Variants in RPL34 observed in about 807,000 individuals in gnomAD.
RPL34 encodes large ribosomal subunit protein eL34.
A neutral mutation model predicts 16.3 loss-of-function variants in RPL34; 2 were observed. That is an observed-to-expected ratio of 0.12 (90% CI 0.05 to 0.39). The LOEUF (loss-of-function observed/expected upper bound fraction) is 0.39, where lower values mean the gene tolerates loss of function less well. RPL34 is among the 10% of genes least tolerant of loss of function. The probability of loss-of-function intolerance (pLI) is 0.99; values close to 1 mark genes in which losing one functional copy is unlikely to be tolerated. For synonymous variants in RPL34, 47 were observed against 48.5 expected (o/e 0.97, Z 0.13); for missense variants, 82 against 148.8 (o/e 0.55, Z 2.33).
At chr4:108,623,409 T>A (rs1240250909) in intron 4 of RPL34, 1 of 152,162 alleles carries the variant, frequency 6.6e-6, no homozygotes. Context: ...CTTAATTCTT[T>A]TATTGATTGA....
At chr4:108,623,729 CT>C (rs1378290254) in intron 4 of RPL34, among the ~76,000 whole-genome samples, 1 of 152,096 alleles carries the variant, frequency 6.6e-6, no homozygotes, top group Non-Finnish European at 1.5e-5. Context: ...TAAACCAAAC[CT>C]TTTGACACCA....
At chr4:108,626,371 C>CTG (rs1725999989), downstream of RPL34, among the ~76,000 whole-genome samples, 1 of 151,732 alleles carries the variant, frequency 6.6e-6, no homozygotes, top group Admixed American at 6.6e-5. Flanking sequence ...CTCAAGCAGT[C>CTG]TGCCTGCCTC....
downstream of RPL34, among the ~76,000 whole-genome samples, chr4:108,629,502 C>T (rs934427134): frequency 3.9e-5 from 6 of 152,118 alleles, no homozygotes; most frequent in East Asian, 3.9e-4. Flanking sequence ...AACATAGTAA[C>T]GACTCTGTCC....
Position 108,625,227 on chromosome 4 carries a change from T to C in RPL34, c.*15T>C, listed in dbSNP as rs771965674. ...AAGCTAAATAAAAAAATGAAACTTT[T>C]TTGAGTAATAAAAATGAAAAGACGC... On this transcript the variant is annotated 3_prime_UTR_variant, in exon 5 of 5. Transcript: ENST00000394667. The C allele has an allele frequency of 7.2e-6, 11 of 1,537,490 alleles. No individual in the cohort carries two copies. Among genetic ancestry groups the C allele is most frequent in the Non-Finnish European group, 8.9e-6 (10 of 1,117,634 alleles).
At chr4:108,626,925 A>G (rs2110368054), downstream of RPL34, among the ~76,000 whole-genome samples, 1 of 152,292 alleles carries the variant, frequency 6.6e-6, no homozygotes, top group East Asian at 1.9e-4. Context: ...GAGGAGAGTT[A>G]CCGCTTAGCT....
At chr4:108,623,326 C>T (rs1258711172) in intron 4 of RPL34, 1 of 151,324 alleles carries the variant, frequency 6.6e-6, no homozygotes, top group African/African-American at 2.4e-5. Context: ...GAGCGAAACT[C>T]TGTCTCAAAA....
At chr4:108,622,324 A>G (rs183572394) in intron 3 of RPL34, 120 bp downstream of exon 3, 25 of 862,466 alleles carry the variant, frequency 2.9e-5, no homozygotes, top group Middle Eastern at 4.4e-4. Flanking sequence ...ATTACTAAAC[A>G]TTCATGAGCC....
intron 1 of RPL34, chr4:108,621,287 A>G (rs924071733): frequency 6.6e-6 from 1 of 152,560 alleles, no homozygotes; most frequent in South Asian, 2.1e-4. Context: ...GCTCGTATGC[A>G]TATCTGTATA....
intron 4 of RPL34, among the ~76,000 whole-genome samples, chr4:108,623,889 A>G (rs1287895453): frequency 6.6e-6 from 1 of 152,236 alleles, no homozygotes; most frequent in East Asian, 1.9e-4. Context: ...ATTACTTGCA[A>G]ATAACTAGGA....
At chr4:108,622,350 A>T in intron 3 of RPL34, 146 bp downstream of exon 3, 1 of 815,620 alleles carries the variant, frequency 1.2e-6, no homozygotes, top group Non-Finnish European at 2.0e-6. Flanking sequence ...TGCCACGAAC[A>T]TAGACTTTTT....
downstream of RPL34, among the ~76,000 whole-genome samples, chr4:108,628,173 C>T (rs1312329923): frequency 6.6e-6 from 1 of 152,158 alleles, no homozygotes. Flanking sequence ...CAAACACCTG[C>T]CAATCCCAAA....
intron 4 of RPL34, 111 bp from the exon 5 acceptor site, chr4:108,625,017 T>A (rs1479361890): frequency 1.4e-6 from 1 of 691,404 alleles, no homozygotes; most frequent in Non-Finnish European, 2.5e-6. Context: ...TGTAGTTTCC[T>A]GGGTTCCCTG....
At chr4:108,622,949 G>T (rs958890653) in intron 4 of RPL34, 1 of 199,066 alleles carries the variant, frequency 5.0e-6, no homozygotes, top group African/African-American at 2.3e-5. Flanking sequence ...GTATTCTCAT[G>T]TGCGGAAGGT....
At chr4:108,623,332 C>CA (rs553806242) in intron 4 of RPL34, 23 of 138,310 alleles carry the variant, frequency 1.7e-4, no homozygotes, top group South Asian at 4.6e-4. Context: ...AACTCTGTCT[C>CA]AAAAAAAAAA....
At chr4:108,629,823 G>A (rs111287185), downstream of RPL34, among the ~76,000 whole-genome samples, 917 of 152,262 alleles carry the variant, frequency 6.0e-3, 7 homozygotes, top group African/African-American at 0.021. Flanking sequence ...CTTTACCCCA[G>A]TGATTAAGAG....
At chr4:108,627,816 T>A (rs777837356), downstream of RPL34, among the ~76,000 whole-genome samples, 12 of 151,014 alleles carry the variant, frequency 7.9e-5, no homozygotes, top group Non-Finnish European at 1.5e-4. Context: ...GAGCCGAGAT[T>A]GCACCACTGC....
At chr4:108,626,447 C>CTTTTTT (rs34343318), downstream of RPL34, among the ~76,000 whole-genome samples, 3 of 117,078 alleles carry the variant, frequency 2.6e-5, no homozygotes, top group Non-Finnish European at 5.1e-5. Context: ...GGCTGACAAC[C>CTTTTTT]TTTTTTTTTT....
intron 1 of RPL34, chr4:108,621,567 C>T (rs1725773853): frequency 8.5e-6 from 2 of 235,576 alleles, no homozygotes; most frequent in South Asian, 1.0e-4. Flanking sequence ...CCTTTATATT[C>T]CCAGTAAATG....
downstream of RPL34, chr4:108,630,323 G>T (rs1302085508): frequency 6.6e-6 from 1 of 152,070 alleles, no homozygotes; most frequent in Non-Finnish European, 1.5e-5. Flanking sequence ...ATAATGACTT[G>T]ATTGTTATTA....
Sources: gnomAD v4.1 joint callset for allele counts (sites outside exome capture counted in the v4.1 genomes callset) on GRCh38, gnomAD v4.1.1 for gene constraint, MANE v1.5 for transcripts, NCBI Gene and HGNC (gene_info 2026-07-23, HGNC 2026-07-21) for gene names.